The following CHRNA7 variants were observed in gnomAD, a reference collection of about 807,000 sequenced individuals.
CHRNA7 encodes the protein cholinergic receptor nicotinic alpha 7 subunit.
In CHRNA7, 17 loss-of-function variants were observed where a neutral mutation model predicts 48.0. The observed-to-expected ratio is 0.35, with a 90% CI of 0.24 to 0.53. The LOEUF (loss-of-function observed/expected upper bound fraction) is 0.53. Ranked by LOEUF, CHRNA7 falls within the 20% of genes least tolerant of loss-of-function variation. The pLI is 0.92. For synonymous variants in CHRNA7, 75 were observed against 242.3 expected (o/e 0.31, Z 6.41); for missense variants, 155 against 577.7 (o/e 0.27, Z 7.50).
At chr15:32,052,924 C>G (rs556500602) in intron 2 of CHRNA7, among the ~76,000 whole-genome samples, 1 of 152,182 alleles carries the variant, frequency 6.6e-6, no homozygotes, top group African/African-American at 2.4e-5. Context: ...GTGGTAGATA[C>G]CCCGATGATA....
rs2051580584 is a variant in CHRNA7 at position 32,149,702 on chromosome 15, T to A, written c.351-4205T>A. ...TACAATTTCATGTAGCTCAATATTC[T>A]GTTTGGATGAAAAACATTCAGAAAT... On this transcript the variant is annotated intron_variant, in intron 4 of 9. Transcript: ENST00000306901. The surrounding 1 kb of genome is among the most constrained non-coding windows in gnomAD (Gnocchi z 4.6). Among the ~76,000 whole-genome samples the A allele has an allele frequency of 6.6e-6, 1 of 152,204 alleles. No individual in the cohort carries two copies. The highest frequency in any genetic ancestry group is 1.5e-5 in the Non-Finnish European group (1 of 68,036).
At chr15:32,031,091 G>T in intron 2 of CHRNA7, 54 bp downstream of exon 2, 1 of 1,606,330 alleles carries the variant, frequency 6.2e-7, no homozygotes, top group Admixed American at 1.7e-5. Context: ...GCTCCGAGGG[G>T]CTTTTTAGAC....
intron 2 of CHRNA7, among the ~76,000 whole-genome samples, chr15:32,047,746 G>T (rs1230046299): frequency 6.6e-6 from 1 of 152,164 alleles, no homozygotes; most frequent in Non-Finnish European, 1.5e-5. Context: ...CCCTGTCTGT[G>T]CCAGTTTTCA....
chr15:32,081,997 A>T (rs2050223414), intron 2 of CHRNA7, among the ~76,000 whole-genome samples: 1 of 152,008 alleles, frequency 6.6e-6, no homozygotes, highest in African/African-American at 2.4e-5. Context: ...TTCTGAGGTG[A>T]TCTTTTTTTC....
chr15:32,051,096 G>C (rs1006521154), intron 2 of CHRNA7, among the ~76,000 whole-genome samples: 1 of 151,658 alleles, frequency 6.6e-6, no homozygotes, highest in Non-Finnish European at 1.5e-5. Context: ...GGGGGTCAGG[G>C]GTCAGGGACC....
intron 4 of CHRNA7, among the ~76,000 whole-genome samples, chr15:32,141,814 T>G: frequency 6.6e-6 from 1 of 152,074 alleles, no homozygotes; most frequent in East Asian, 1.9e-4. Context: ...CAGCTTGAGA[T>G]TTTTGGCTGA....
chr15:32,044,519 G>A (rs188231884), intron 2 of CHRNA7, among the ~76,000 whole-genome samples: 6 of 152,108 alleles, frequency 3.9e-5, no homozygotes, highest in Admixed American at 1.3e-4. Context: ...CTCATGATCC[G>A]CCTGCCTCAG....
intron 4 of CHRNA7, among the ~76,000 whole-genome samples, chr15:32,117,235 T>C (rs984785643): frequency 6.6e-6 from 1 of 152,182 alleles, no homozygotes; most frequent in South Asian, 2.1e-4. Context: ...TCTGGGAGAC[T>C]GTGTATAGCA....
intron 2 of CHRNA7, among the ~76,000 whole-genome samples, chr15:32,044,916 G>A (rs1300855502): frequency 6.6e-6 from 1 of 152,152 alleles, no homozygotes; most frequent in Non-Finnish European, 1.5e-5. Context: ...TATTCTTTGC[G>A]GCAATTCCCA....
In CHRNA7 at chr15:32,149,351, ATC is replaced by A. The variant is rs532673799; in HGVS notation, c.351-4554_351-4553del. Among the ~76,000 whole-genome samples the A allele has an allele frequency of 1.7e-4, 26 of 152,298 alleles. No homozygotes were observed. In the East Asian group the frequency reaches 4.8e-3, roughly 28 times the overall value. Reference sequence around the variant, plus strand: ...GGTGAGGGGGTCACTGTTGGCTGGCATCTGTCGGGCATCCCCGGGGAAGCTGC... The same window carrying A: ...GGTGAGGGGGTCACTGTTGGCTGGCATGTCGGGCATCCCCGGGGAAGCTGC... On this transcript the variant is annotated intron_variant, in intron 4 of 9. Coordinates refer to ENST00000306901, the MANE Select transcript of CHRNA7 (RefSeq NM_000746.6). The surrounding 1 kb of genome is among the most constrained non-coding windows in gnomAD (Gnocchi z 4.6).
intron 2 of CHRNA7, among the ~76,000 whole-genome samples, chr15:32,094,188 G>C (rs1392157221): frequency 6.6e-6 from 1 of 152,196 alleles, no homozygotes; most frequent in Non-Finnish European, 1.5e-5. Context: ...CTTTGCCAAG[G>C]TGGCTAGCTG....
chr15:32,136,989 G>A (rs935649134), intron 4 of CHRNA7, among the ~76,000 whole-genome samples: 6 of 120,428 alleles, frequency 5.0e-5, no homozygotes, highest in Admixed American at 2.2e-4. Context: ...CCGAGATCCC[G>A]CCACTGCACT....
intron 2 of CHRNA7, among the ~76,000 whole-genome samples, chr15:32,041,254 T>C (rs1471027776): frequency 6.6e-6 from 1 of 152,222 alleles, no homozygotes; most frequent in East Asian, 1.9e-4. Context: ...TGTTCCTTTC[T>C]CTACTTCAAC....
intron 4 of CHRNA7, among the ~76,000 whole-genome samples, chr15:32,114,075 T>TATATAC (rs1355610927): frequency 8.8e-6 from 1 of 113,142 alleles, no homozygotes; most frequent in South Asian, 2.5e-4. Context: ...TATATATATA[T>TATATAC]ACACATACAT....
At chr15:32,046,967 A>T (rs540713863) in intron 2 of CHRNA7, among the ~76,000 whole-genome samples, 2 of 151,312 alleles carry the variant, frequency 1.3e-5, no homozygotes, top group East Asian at 3.9e-4. Context: ...TTTGTCAAAG[A>T]TCAGATAGTT....
chr15:32,108,299 A>T (rs1004759864), intron 3 of CHRNA7, among the ~76,000 whole-genome samples: 1 of 152,150 alleles, frequency 6.6e-6, no homozygotes, highest in Non-Finnish European at 1.5e-5. Flanking sequence ...TTGAAGATTT[A>T]ATGAGAAGGA....
intron 2 of CHRNA7, among the ~76,000 whole-genome samples, chr15:32,044,926 A>G (rs1048932469): frequency 5.9e-5 from 9 of 152,134 alleles, no homozygotes; most frequent in Non-Finnish European, 2.9e-5. Flanking sequence ...GGCAATTCCC[A>G]TTACTTTGTC....
At chr15:32,079,404 C>T (rs72713572) in intron 2 of CHRNA7, among the ~76,000 whole-genome samples, 12,866 of 152,178 alleles carry the variant, frequency 0.085, 723 homozygotes, top group African/African-American at 0.14. Context: ...TAGAAAACCC[C>T]GTTGTCTCAG....
chr15:32,031,200 C>T (rs1901822042), intron 2 of CHRNA7, among the ~76,000 whole-genome samples, 163 bp downstream of exon 2: 1 of 152,132 alleles, frequency 6.6e-6, no homozygotes, highest in Non-Finnish European at 1.5e-5. Flanking sequence ...CCTGCCCTCT[C>T]CTGAGTGTCT....
Sources: allele counts gnomAD v4.1 joint callset (sites outside exome capture counted in the v4.1 genomes callset), GRCh38; gene constraint gnomAD v4.1.1; non-coding constraint Gnocchi (gnomAD v3.1); transcripts MANE v1.5; gene names NCBI Gene and HGNC (gene_info 2026-07-23, HGNC 2026-07-21).